Variants in ZDHHC6 observed in about 807,000 individuals in gnomAD.
ZDHHC6 encodes the protein zDHHC palmitoyltransferase 6.
A neutral mutation model predicts 57.8 loss-of-function variants in ZDHHC6; 32 were observed. The observed-to-expected ratio is 0.55, with a 90% CI of 0.42 to 0.74. ZDHHC6 has a LOEUF of 0.74. ZDHHC6 is among the 30% of genes least tolerant of loss of function. ZDHHC6 has a pLI of 0.00. For synonymous variants in ZDHHC6, 128 were observed against 158.0 expected, an observed-to-expected ratio of 0.81 and a Z score of 1.42; for missense variants, 433 against 500.7, an observed-to-expected ratio of 0.86 and a Z score of 1.29.
chr10:112,428,956 T>C (rs1286798794), downstream of ZDHHC6, among the ~76,000 whole-genome samples: 2 of 152,192 alleles, frequency 1.3e-5, no homozygotes, highest in Non-Finnish European at 2.9e-5. Flanking sequence ...TCTTATCCCA[T>C]AGCTGTAAAG....
intron 5 of ZDHHC6, among the ~76,000 whole-genome samples, chr10:112,438,977 G>A (rs1346544969): frequency 5.3e-5 from 8 of 152,126 alleles, no homozygotes; most frequent in Admixed American, 3.9e-4. Context: ...AGGCATTGGG[G>A]AAAATTTTTC....
downstream of ZDHHC6, chr10:112,425,314 G>T: frequency 6.3e-7 from 1 of 1,584,062 alleles, no homozygotes; most frequent in South Asian, 1.2e-5. Flanking sequence ...CAAAAATACT[G>T]ATACTTTTAT....
In ZDHHC6 at chr10:112,430,758, T is replaced by G. The variant is rs1279553660; in HGVS notation, c.*46A>C. The G allele has an allele frequency of 3.3e-6, 5 of 1,534,610 alleles. No individual in the cohort carries two copies. The highest frequency in any genetic ancestry group is 9.0e-7 in the Non-Finnish European group (1 of 1,116,642). On this transcript the variant is annotated 3_prime_UTR_variant, in exon 11 of 11. Transcript: ENST00000369405. ...AATTCTTTAGTAATATGTACAATTT[T>G]CAAGTAATTAAGCAGACTTAAAGGA...
Position 112,430,686 on chromosome 10 carries a change from G to C in ZDHHC6, c.*118C>G. The stretch of plus-strand genomic sequence containing the variant: ...AAAATATTTAAATCATGGCACTAGG[G>C]CACCTTTGAGGAAAAGAACATCTTA... On this transcript the variant is annotated 3_prime_UTR_variant, in exon 11 of 11. Coordinates refer to ENST00000369405, the MANE Select transcript of ZDHHC6 (RefSeq NM_022494.3). The C allele has an allele frequency of 1.3e-6, 1 of 760,806 alleles. No homozygotes were observed. The highest frequency in any genetic ancestry group is 2.7e-5 in the South Asian group (1 of 37,348). The allele number at this position is 760,806 out of a possible 1,614,324, so 47.1% of individuals were successfully genotyped here. A position where few individuals can be genotyped will look rare whatever the true frequency, so the allele number is the denominator to read the frequency against.
At position 112,432,257 on chromosome 10, in the gene ZDHHC6, T is replaced by A; in HGVS notation, c.1121A>T (p.Asp374Val). Residue 374 changes from aspartate (D) to valine (V), a missense_variant, in exon 10 of 11, where the codon GAT (aspartate) becomes GTT (valine). Asp to Val is a radical substitution (Grantham distance 152, BLOSUM62 -3). Transcript: ENST00000369405. ...RYWLYGDKIL[D>V]DSFIEGVSRI... is the part of the protein sequence containing the mutation. ...TTCCATACCTTCTATAAAGGAATCA[T>A]CAAGAATTTTGTCTCCATATAACCA... 1 of 1,606,738 alleles carries A rather than the reference T, an allele frequency of 6.2e-7. No individual in the cohort carries two copies. The highest frequency in any genetic ancestry group is 8.5e-7 in the Non-Finnish European group (1 of 1,178,182).
chr10:112,446,027 T>A (rs781607478), intron 1 of ZDHHC6, among the ~76,000 whole-genome samples: 5 of 152,270 alleles, frequency 3.3e-5, no homozygotes, highest in African/African-American at 1.2e-4. Context: ...AGAGGCTGAG[T>A]GATTAGACCA....
downstream of ZDHHC6, among the ~76,000 whole-genome samples, chr10:112,429,831 G>A (rs1844875357): frequency 6.6e-6 from 1 of 152,198 alleles, no homozygotes; most frequent in Non-Finnish European, 1.5e-5. Flanking sequence ...TCCAGAGGGG[G>A]CCTAGGCGGC....
chr10:112,445,488 T>G lies in ZDHHC6; in HGVS notation c.-52A>C. The G allele has an allele frequency of 1.3e-6, 2 of 1,579,380 alleles. No homozygotes were observed. Among genetic ancestry groups the G allele is most frequent in the Non-Finnish European group, 1.7e-6 (2 of 1,161,498 alleles). ...TTTAAAAGAATTATAGATTTCCTTT[T>G]TCTGTGCGCACATTTCCATGTGCCA... On this transcript the variant is annotated 5_prime_UTR_variant, in exon 2 of 11. Coordinates refer to ENST00000369405, the MANE Select transcript of ZDHHC6 (RefSeq NM_022494.3).
rs186459700 is a variant in ZDHHC6, at chr10:112,424,635, G to C, written c.*1002C>G. 2.6e-5 allele frequency: 4 copies of C among 152,276 alleles called. No individual in the cohort carries two copies. The East Asian group carries it at 7.7e-4, about 29-fold the overall frequency. 9.4% of individuals were successfully genotyped at this position (152,276 alleles called of 1,614,324 possible). ...GAATTGATGGCTAATTTATCAAGTC[G>C]GCCTTGTGATAGTTCCAGTGTTGGT... On this transcript the variant is annotated 3_prime_UTR_variant, in exon 12 of 12. Transcript: ENST00000626395.
chr10:112,434,263 A>C, intron 7 of ZDHHC6, 34 bp downstream of exon 7: 1 of 1,510,552 alleles, frequency 6.6e-7, no homozygotes, highest in Non-Finnish European at 8.9e-7. Flanking sequence ...AAGGCGAGGC[A>C]AAAAGGAAGG....
downstream of ZDHHC6, chr10:112,425,456 T>G: frequency 6.2e-7 from 1 of 1,612,722 alleles, no homozygotes; most frequent in South Asian, 1.1e-5. Flanking sequence ...GTGTTACAAA[T>G]TTTTGTACAC....
At chr10:112,440,171 C>A (rs1425218923) in intron 5 of ZDHHC6, among the ~76,000 whole-genome samples, 1 of 150,656 alleles carries the variant, frequency 6.6e-6, no homozygotes, top group African/African-American at 2.4e-5. Flanking sequence ...AGTCACTTAA[C>A]CTTTTTGAGA....
chr10:112,433,634 A>G (rs2133785825), intron 7 of ZDHHC6: 1 of 196,440 alleles, frequency 5.1e-6, no homozygotes, highest in East Asian at 1.2e-4. Flanking sequence ...GACATGGCAG[A>G]CAAACTACAA....
At chr10:112,427,452 A>T, downstream of ZDHHC6, 2 of 1,225,070 alleles carry the variant, frequency 1.6e-6, no homozygotes, top group African/African-American at 1.6e-5. Flanking sequence ...CTTTCCTCCT[A>T]TTTTTTTTTA....
chr10:112,428,962 T>C (rs1332670547), downstream of ZDHHC6, among the ~76,000 whole-genome samples: 1 of 152,216 alleles, frequency 6.6e-6, no homozygotes, highest in East Asian at 1.9e-4. Flanking sequence ...CCCATAGCTG[T>C]AAAGAATAAA....
intron 6 of ZDHHC6, among the ~76,000 whole-genome samples, chr10:112,434,903 C>A (rs577612328): frequency 6.6e-6 from 1 of 152,236 alleles, no homozygotes; most frequent in Admixed American, 6.5e-5. Context: ...GTGGGGTGCA[C>A]CAGAATGTAA....
intron 5 of ZDHHC6, among the ~76,000 whole-genome samples, chr10:112,439,562 G>A (rs12264965): frequency 0.15 from 21,501 of 142,990 alleles, 1,713 homozygotes; most frequent in Middle Eastern, 0.23. Context: ...CCCGGAAGGC[G>A]GAGGTTGCAG....
intron 4 of ZDHHC6, among the ~76,000 whole-genome samples, 189 bp downstream of exon 4, chr10:112,442,003 C>T (rs1225946843): frequency 6.6e-6 from 1 of 152,224 alleles, no homozygotes; most frequent in African/African-American, 2.4e-5. Context: ...AACAAATACT[C>T]TTTCCTCATC....
chr10:112,440,802 C>CAGGGCCACGT, intron 4 of ZDHHC6, 107 bp from the exon 5 acceptor site: 1 of 935,086 alleles, frequency 1.1e-6, no homozygotes, highest in Non-Finnish European at 1.5e-6. Flanking sequence ...CAACGTGGCC[C>CAGGGCCACGT]TGTGGCCAAC....
Sources: allele counts gnomAD v4.1 joint callset (sites outside exome capture counted in the v4.1 genomes callset), GRCh38; gene constraint gnomAD v4.1.1; transcripts MANE v1.5; gene names NCBI Gene and HGNC (gene_info 2026-07-23, HGNC 2026-07-21).